Variants in THADA observed in about 807,000 individuals in gnomAD.
THADA encodes tRNA (32-2'-O)-methyltransferase regulator THADA.
In THADA, 213 loss-of-function variants were observed where a neutral mutation model predicts 219.8. That is an observed-to-expected ratio of 0.97 (90% CI 0.87 to 1.09). THADA has a LOEUF of 1.09. Ranked by LOEUF, THADA falls within the 50% of genes least tolerant of loss-of-function variation. The pLI is 0.00. For missense variants in THADA, 2,956 were observed against 2,311.3 expected, an observed-to-expected ratio of 1.28 and a Z score of -5.72; for synonymous variants, 1,018 against 828.9, an observed-to-expected ratio of 1.23 and a Z score of -3.92.
chr2:43,234,524 G>A (rs1217175842), intron 36 of THADA, among the ~76,000 whole-genome samples: 24 of 152,206 alleles, frequency 1.6e-4, no homozygotes, highest in Admixed American at 1.6e-3. Context: ...TCTGAGCCAT[G>A]TGTTGACTGG....
At chr2:43,313,943 A>G (rs1677793627) in intron 31 of THADA, among the ~76,000 whole-genome samples, 1 of 152,266 alleles carries the variant, frequency 6.6e-6, no homozygotes. Context: ...GCTATGCCTC[A>G]GTTTCTGTGG....
chr2:43,469,510 C>T (rs1684657840), intron 26 of THADA, among the ~76,000 whole-genome samples: 2 of 151,916 alleles, frequency 1.3e-5, no homozygotes, highest in Non-Finnish European at 2.9e-5. Flanking sequence ...CTTAAATGAA[C>T]ATTAAAAAAA....
chr2:43,309,124 C>T (rs542292094), intron 31 of THADA, among the ~76,000 whole-genome samples: 1 of 152,282 alleles, frequency 6.6e-6, no homozygotes, highest in African/African-American at 2.4e-5. Context: ...GTAAGACAAA[C>T]AACTCGAATT....
chr2:43,270,589 C>G (rs574049024), intron 36 of THADA, among the ~76,000 whole-genome samples: 5 of 152,318 alleles, frequency 3.3e-5, no homozygotes, highest in Admixed American at 6.5e-5. Context: ...GAGTGCAAGG[C>G]CTCTGTCACC....
intron 37 of THADA, among the ~76,000 whole-genome samples, chr2:43,231,922 G>A (rs1424854688): frequency 1.3e-5 from 2 of 151,836 alleles, no homozygotes; most frequent in Admixed American, 6.6e-5. Context: ...TGCTGGTGGC[G>A]ATCAATTTCA....
chr2:43,566,406 A>G (rs1698684098), intron 15 of THADA: 1 of 693,874 alleles, frequency 1.4e-6, no homozygotes, highest in African/African-American at 1.8e-5. Flanking sequence ...CTATCTTAAA[A>G]CAGCAACAAA....
intron 28 of THADA, among the ~76,000 whole-genome samples, chr2:43,427,144 G>A (rs1678546478): frequency 6.6e-6 from 1 of 152,124 alleles, no homozygotes; most frequent in Non-Finnish European, 1.5e-5. Context: ...CATGCCACAT[G>A]GCATTACCAT....
chr2:43,256,467 G>C (rs2104171599), intron 36 of THADA, among the ~76,000 whole-genome samples: 1 of 151,930 alleles, frequency 6.6e-6, no homozygotes, highest in South Asian at 2.1e-4. Flanking sequence ...GAAGTGCAGG[G>C]GCATGATCAC....
rs150666481 is a variant in THADA at position 43,483,074 on chromosome 2, T to C, written c.3836+2160A>G. Among the ~76,000 whole-genome samples, 12 of 152,322 alleles carry C rather than the reference T, an allele frequency of 7.9e-5. No homozygotes were observed. The East Asian group carries it at 2.3e-3, about 29-fold the overall frequency. ...ATGGAAAAAGCAGATGTTCTTTTTA[T>C]GTCCAGTTCCCTCTGACCAAGAACA... On this transcript the variant is annotated intron_variant, in intron 26 of 37. Coordinates refer to ENST00000405975, the MANE Select transcript of THADA (RefSeq NM_022065.5).
intron 28 of THADA, among the ~76,000 whole-genome samples, chr2:43,423,289 A>G (rs1212422647): frequency 6.6e-6 from 1 of 152,206 alleles, no homozygotes; most frequent in East Asian, 1.9e-4. Context: ...ATCATAAAGC[A>G]TCATGCTATA....
In THADA at chr2:43,580,749, G is replaced by A. The variant is rs191003089; in HGVS notation, c.721+992C>T. On this transcript the variant is annotated intron_variant, in intron 8 of 37. Coordinates refer to ENST00000405975, the MANE Select transcript of THADA (RefSeq NM_022065.5). ...AAAAAAATTAGCCAGGCGTGGTGGTGCATGCCTGTAATCCCAGCTACTCGG... is the reference window on the plus strand; with the variant it reads ...AAAAAAATTAGCCAGGCGTGGTGGTACATGCCTGTAATCCCAGCTACTCGG... Among the ~76,000 whole-genome samples, 687 of 152,082 alleles carry A rather than the reference G, an allele frequency of 4.5e-3. 3 individuals are homozygous for A. Among genetic ancestry groups the A allele is most frequent in the South Asian group, 0.019 (90 of 4,814 alleles).
In THADA at chr2:43,335,045, A is replaced by T. The variant is rs138312919; in HGVS notation, c.4343+9077T>A. Among the ~76,000 whole-genome samples, 600 of 152,288 alleles carry T rather than the reference A, an allele frequency of 3.9e-3. 7 individuals carry two copies. Among genetic ancestry groups the T allele is most frequent in the African/African-American group, 0.013 (557 of 41,568 alleles). On this transcript the variant is annotated intron_variant, in intron 30 of 37. Coordinates refer to ENST00000405975, the MANE Select transcript of THADA (RefSeq NM_022065.5). ...CTGTTTCAAATGGGGGAGTTGGAAG[A>T]TCACAGAGCCTGGCACTCTGACCCT...
intron 10 of THADA, among the ~76,000 whole-genome samples, 159 bp from the exon 11 acceptor site, chr2:43,575,186 C>G (rs1699729338): frequency 6.6e-6 from 1 of 152,184 alleles, no homozygotes. Context: ...AAAGCCAAAA[C>G]AGATCTCAAA....
In THADA at chr2:43,485,276, A is replaced by G. The variant is rs780436335; in HGVS notation, c.3794T>C (p.Phe1265Ser). Reference sequence around the variant, plus strand: ...TTCATCCTTTGCCCTTTTAACTCCAAAAATTCTTGTGATCAAGGCACTAAA... The same window carrying G: ...TTCATCCTTTGCCCTTTTAACTCCAGAAATTCTTGTGATCAAGGCACTAAA... ...LLFSALITRIFGVKRAKDEHS... is the reference protein window; with the variant it reads ...LLFSALITRISGVKRAKDEHS... The change falls in exon 26 of 38, where the codon TTT becomes TCT. Residue 1265 changes from phenylalanine (F) to serine (S), a missense_variant. Physicochemically the swap from Phe to Ser is radical, Grantham distance 155. Transcript: ENST00000405975. The G allele has an allele frequency of 3.7e-6, 6 of 1,613,110 alleles. No individual in the cohort carries two copies. The highest frequency in any genetic ancestry group is 5.1e-6 in the Non-Finnish European group (6 of 1,179,454).
chr2:43,447,911 T>A (rs548208394), intron 26 of THADA, among the ~76,000 whole-genome samples: 52 of 152,096 alleles, frequency 3.4e-4, no homozygotes, highest in African/African-American at 8.9e-4. Flanking sequence ...AATTCTGTTT[T>A]TATATATATA....
intron 36 of THADA, among the ~76,000 whole-genome samples, chr2:43,266,691 T>C (rs1280587062): frequency 1.3e-5 from 2 of 151,052 alleles, no homozygotes; most frequent in African/African-American, 4.9e-5. Context: ...AAAGGAGGAG[T>C]CTCCTAAAGA....
intron 36 of THADA, among the ~76,000 whole-genome samples, chr2:43,261,325 G>A (rs748672091): frequency 2.8e-5 from 4 of 144,830 alleles, no homozygotes; most frequent in Non-Finnish European, 4.5e-5. Flanking sequence ...CTGGGTTCAA[G>A]CAATTCTCCC....
intron 26 of THADA, among the ~76,000 whole-genome samples, chr2:43,455,518 T>TCACACA (rs35958795): frequency 6.7e-6 from 1 of 149,016 alleles, no homozygotes; most frequent in Admixed American, 6.7e-5. Flanking sequence ...TCTCTCTCTC[T>TCACACA]CACACACACA....
chr2:43,279,190 T>C (rs1673062021), intron 36 of THADA, among the ~76,000 whole-genome samples: 1 of 152,318 alleles, frequency 6.6e-6, no homozygotes, highest in African/African-American at 2.4e-5. Context: ...TAACCGCTTA[T>C]ACGACGGCTG....
Sources: gnomAD v4.1 joint callset for allele counts (sites outside exome capture counted in the v4.1 genomes callset) on GRCh38, gnomAD v4.1.1 for gene constraint, MANE v1.5 for transcripts, NCBI Gene and HGNC (gene_info 2026-07-23, HGNC 2026-07-21) for gene names.